SEMA6D: variants seen among roughly 807,000 people sequenced by gnomAD.
SEMA6D encodes semaphorin-6D.
A neutral mutation model predicts 106.6 loss-of-function variants in SEMA6D; 35 were observed. The observed-to-expected ratio is 0.33, with a 90% CI of 0.25 to 0.44. SEMA6D has a LOEUF of 0.44. Among genes scored for constraint, SEMA6D ranks in the 20% least tolerant of loss-of-function variants. The pLI, the probability that SEMA6D is intolerant of heterozygous loss-of-function variation, is 1.00. For missense variants in SEMA6D, 1,185 were observed against 1,345.9 expected (o/e 0.88, Z 1.87); for synonymous variants, 499 against 487.7 (o/e 1.02, Z -0.31).
intron 1 of SEMA6D, among the ~76,000 whole-genome samples, chr15:47,355,662 G>A (rs573685427): frequency 6.6e-6 from 1 of 152,262 alleles, no homozygotes; most frequent in African/African-American, 2.4e-5. Context: ...CACTTAACCT[G>A]CTTAAATAGC....
In SEMA6D at chr15:47,535,978, G is replaced by A. The variant is rs575935057; in HGVS notation, c.-86-64887G>A. ...AGGAGTGGGCAAGAAGGCAGGAAAC[G>A]TGAGTTAAATTCAGGCCATCAAGAG... On this transcript the variant is annotated intron_variant, in intron 3 of 19. Transcript: ENST00000558014. 1.1e-4 allele frequency among the ~76,000 whole-genome samples: 17 copies of A among 152,236 alleles called. 1 individual carries two copies. The highest frequency in any genetic ancestry group is 1.0e-3 in the South Asian group (5 of 4,812).
intron 1 of SEMA6D, among the ~76,000 whole-genome samples, chr15:47,379,140 G>GT (rs1314796570): frequency 3.3e-5 from 5 of 152,138 alleles, no homozygotes; most frequent in African/African-American, 9.7e-5. Flanking sequence ...TGGTTAAGAC[G>GT]TCTTTTATAT....
intron 4 of SEMA6D, among the ~76,000 whole-genome samples, chr15:47,603,152 A>T (rs2076698511): frequency 1.3e-5 from 2 of 152,072 alleles, no homozygotes; most frequent in African/African-American, 4.8e-5. Flanking sequence ...TAGGAGATAA[A>T]CTTCTTCATC....
At chr15:47,344,683 T>C (rs2037970838) in intron 1 of SEMA6D, among the ~76,000 whole-genome samples, 1 of 152,182 alleles carries the variant, frequency 6.6e-6, no homozygotes, top group African/African-American at 2.4e-5. Context: ...TTCAGTTAAG[T>C]ATTGGTCAGT....
intron 3 of SEMA6D, among the ~76,000 whole-genome samples, chr15:47,489,897 C>T (rs2043418957): frequency 6.6e-6 from 1 of 152,136 alleles, no homozygotes; most frequent in Non-Finnish European, 1.5e-5. Flanking sequence ...AGTGATCTTC[C>T]TGCTTCGGCC....
At chr15:47,406,736 C>A (rs1213606833) in intron 1 of SEMA6D, among the ~76,000 whole-genome samples, 2 of 149,402 alleles carry the variant, frequency 1.3e-5, no homozygotes, top group Admixed American at 1.3e-4. Context: ...TGTTGTATAC[C>A]CGAAGTTTCC....
At chr15:47,350,283 T>C (rs4611398) in intron 1 of SEMA6D, among the ~76,000 whole-genome samples, 71,041 of 152,060 alleles carry the variant, frequency 0.47, 19,715 homozygotes, top group South Asian at 0.61. Context: ...AAGCAAATAA[T>C]AGGGGCTTGC....
At chr15:47,489,579 C>T (rs1443745923) in intron 3 of SEMA6D, among the ~76,000 whole-genome samples, 1 of 152,116 alleles carries the variant, frequency 6.6e-6, no homozygotes, top group Non-Finnish European at 1.5e-5. Context: ...CAGGTGACAC[C>T]TTGGGGGTTG....
intron 1 of SEMA6D, among the ~76,000 whole-genome samples, chr15:47,404,003 G>A (rs2040479149): frequency 6.6e-6 from 1 of 152,150 alleles, no homozygotes; most frequent in African/African-American, 2.4e-5. Context: ...AAAATAAAAA[G>A]CAAGACTTTA....
At chr15:47,252,850 A>G (rs927769689) in intron 1 of SEMA6D, among the ~76,000 whole-genome samples, 11 of 152,226 alleles carry the variant, frequency 7.2e-5, no homozygotes, top group African/African-American at 2.7e-4. Flanking sequence ...TGCTGCAATA[A>G]ATATGGGAAT....
intron 3 of SEMA6D, among the ~76,000 whole-genome samples, chr15:47,511,524 C>A (rs143157007): frequency 5.3e-5 from 8 of 152,180 alleles, no homozygotes; most frequent in South Asian, 2.1e-4. Flanking sequence ...CCCCCTCCTG[C>A]CACATGTGTT....
At chr15:47,472,934 C>T (rs1021359794) in intron 3 of SEMA6D, among the ~76,000 whole-genome samples, 1 of 152,178 alleles carries the variant, frequency 6.6e-6, no homozygotes, top group Non-Finnish European at 1.5e-5. Context: ...AAATGACACC[C>T]ATTTTTCTGG....
intron 1 of SEMA6D, among the ~76,000 whole-genome samples, chr15:47,378,234 C>A (rs1380783183): frequency 6.6e-6 from 1 of 152,174 alleles, no homozygotes; most frequent in Non-Finnish European, 1.5e-5. Context: ...CGGTGGCTCA[C>A]GCTTGTAATC....
chr15:47,741,870 A>G (rs1303259011), intron 1 of SEMA6D, among the ~76,000 whole-genome samples: 1 of 152,342 alleles, frequency 6.6e-6, no homozygotes, highest in Non-Finnish European at 1.5e-5. Flanking sequence ...CACAGTCTAA[A>G]GAGGAAGACA....
rs1249240868 is a variant in SEMA6D, at chr15:47,767,080, C to T, written c.1752C>T (p.Gly584=). 16 of 1,565,162 alleles carry T rather than the reference C, an allele frequency of 1.0e-5. No individual in the cohort carries two copies. The highest frequency in any genetic ancestry group is 1.7e-4 in the Middle Eastern group (1 of 5,902). Residue 584 remains glycine, a synonymous_variant, in exon 17 of 19, where the codon GGC becomes GGT. Coordinates refer to ENST00000536845, the MANE Select transcript of SEMA6D (RefSeq NM_001358351.3). ...CTACACCAGATTACAAAATATTTGG[C>T]GGTCCAACATCTGGTTAGTTTTTTT... ...TSTTPDYKIF[G]GPTSDMEVSS... is the part of the protein sequence containing the mutation.
chr15:47,356,954 A>G (rs2038597742), intron 1 of SEMA6D, among the ~76,000 whole-genome samples: 2 of 152,198 alleles, frequency 1.3e-5, no homozygotes, highest in Non-Finnish European at 2.9e-5. Context: ...CATATAGGGG[A>G]ATAGAGATAT....
chr15:47,339,224 GTGTT>G (rs1326085081), intron 1 of SEMA6D: 1 of 152,164 alleles, frequency 6.6e-6, no homozygotes, highest in Non-Finnish European at 1.5e-5. Flanking sequence ...CTAAATGTAA[GTGTT>G]TCCTTAAGTT....
rs375202882 is a variant in SEMA6D at position 47,556,628 on chromosome 15, C to A, written c.-86-44237C>A. On this transcript the variant is annotated intron_variant, in intron 3 of 19. Coordinates refer to the SEMA6D transcript ENST00000558014. Reference sequence around the variant, plus strand: ...ATGGGTCATGCTACAGAAGTGTGTGCCATCCCTAAAGATATTTTGGAAACA... The same window carrying A: ...ATGGGTCATGCTACAGAAGTGTGTGACATCCCTAAAGATATTTTGGAAACA... Among the ~76,000 whole-genome samples, 8 of 152,090 alleles carry A rather than the reference C, an allele frequency of 5.3e-5. 1 individual carries two copies. The highest frequency in any genetic ancestry group is 1.9e-4 in the African/African-American group (8 of 41,484).
intron 3 of SEMA6D, among the ~76,000 whole-genome samples, chr15:47,496,950 A>T (rs944002876): frequency 1.3e-5 from 2 of 152,050 alleles, no homozygotes; most frequent in African/African-American, 4.8e-5. Flanking sequence ...GTTGCACTGC[A>T]GTCCTTCAAT....
Sources: gnomAD v4.1 joint callset for allele counts (sites outside exome capture counted in the v4.1 genomes callset) on GRCh38, gnomAD v4.1.1 for gene constraint, MANE v1.5 for transcripts, NCBI Gene and HGNC (gene_info 2026-07-23, HGNC 2026-07-21) for gene names.